TSPAN16: variants seen among roughly 807,000 people sequenced by gnomAD.
TSPAN16 encodes tetraspanin 16, also known as tetraspanin-16.
A neutral mutation model predicts 25.2 loss-of-function variants in TSPAN16; 23 were observed. The observed-to-expected ratio is 0.91, with a 90% CI of 0.66 to 1.29. The LOEUF is 1.29. Ranked by LOEUF, TSPAN16 falls within the 50% of genes most tolerant of loss-of-function variation. The pLI is 0.00. For synonymous variants in TSPAN16, 123 were observed against 124.4 expected (o/e 0.99, Z 0.08); for missense variants, 272 against 299.9 (o/e 0.91, Z 0.69).
In TSPAN16 at chr19:11,298,297, G is replaced by C. The variant is rs888614106; in HGVS notation, c.225G>C (p.Gly75=). ...GCITVLLGCA[G]WYGATKESRG... ...TCACGGTACTGCTTGGCTGTGCCGG[G>C]TGGTATGGAGCGACTAAAGAGAGCA... Residue 75 remains glycine (G), a synonymous_variant, in exon 2 of 7, where the codon GGG becomes GGC. Coordinates refer to ENST00000590327, the MANE Select transcript of TSPAN16 (RefSeq NM_001282509.2). The C allele has an allele frequency of 1.9e-6, 3 of 1,614,034 alleles. No individual in the cohort carries two copies. The highest frequency in any genetic ancestry group is 2.2e-5 in the East Asian group (1 of 44,888).
At chr19:11,325,666 C>A in intron 6 of TSPAN16, 1 of 1,366,628 alleles carries the variant, frequency 7.3e-7, no homozygotes, top group South Asian at 1.3e-5. Flanking sequence ...AACCTGGCTT[C>A]TAAGCCTAGT....
At chr19:11,315,256 TAATAATA>T (rs1211416119) in intron 6 of TSPAN16, among the ~76,000 whole-genome samples, 4,292 of 128,836 alleles carry the variant, frequency 0.033, 218 homozygotes, top group African/African-American at 0.12. Context: ...ATAATAATAA[TAATAATA>T]ATAATAATAA....
Position 11,301,208 on chromosome 19 carries a change from A to T in TSPAN16, c.350A>T (p.Asp117Val). 2 of 1,613,804 alleles carry T rather than the reference A, an allele frequency of 1.2e-6. No homozygotes were observed. The highest frequency in any genetic ancestry group is 2.2e-5 in the East Asian group (1 of 44,870). Residue 117 changes from aspartate (D) to valine (V), a missense_variant, in exon 4 of 7, where the codon GAT (aspartate) becomes GTT (valine). Physicochemically the swap from Asp to Val is radical, Grantham distance 152. Transcript: ENST00000590327. ...VVLLFFPIVG[D>V]VALEHTFVTL... ...TCCTGTCCTCTCTGTGAGGTTGGAGATGTGGCCTTGGAACACACCTTCGTG... is the reference window on the plus strand; with the variant it reads ...TCCTGTCCTCTCTGTGAGGTTGGAGTTGTGGCCTTGGAACACACCTTCGTG...
chr19:11,325,343 G>C (rs904427619), intron 6 of TSPAN16: 1 of 1,235,882 alleles, frequency 8.1e-7, no homozygotes, highest in Admixed American at 2.2e-5. Flanking sequence ...CTCACGCCTC[G>C]ATCACAGTCC....
chr19:11,315,756 C>G (rs2080743197), intron 6 of TSPAN16, 35 bp from the exon 7 acceptor site: 1 of 1,228,850 alleles, frequency 8.1e-7, no homozygotes, highest in African/African-American at 1.6e-5. Context: ...AGGTCTCTAG[C>G]ATTGGATCCA....
intron 6 of TSPAN16, chr19:11,323,115 A>C (rs1345350052): frequency 6.6e-6 from 1 of 151,842 alleles, no homozygotes; most frequent in South Asian, 2.1e-4. Context: ...TGTCTTAAAA[A>C]AAAAAAAAAC....
chr19:11,326,855 C>A, exon 7 of TSPAN16: 1 of 635,456 alleles, frequency 1.6e-6, no homozygotes, highest in South Asian at 1.7e-5. Flanking sequence ...AGCGATCCCC[C>A]CGCCTAGGCC....
chr19:11,312,904 G>A (rs1436547299), intron 6 of TSPAN16, among the ~76,000 whole-genome samples: 1 of 152,114 alleles, frequency 6.6e-6, no homozygotes, highest in East Asian at 1.9e-4. Flanking sequence ...GGAAAAGTGT[G>A]AACCTGTATG....
At chr19:11,319,287 AC>A (rs1335241129), downstream of TSPAN16, among the ~76,000 whole-genome samples, 7 of 151,996 alleles carry the variant, frequency 4.6e-5, no homozygotes, top group Admixed American at 3.9e-4. Context: ...TTTACTTACT[AC>A]TCCTGATTTA....
intron 4 of TSPAN16, among the ~76,000 whole-genome samples, chr19:11,302,676 T>C (rs1459866228): frequency 0.038 from 4,934 of 128,168 alleles, 262 homozygotes; most frequent in African/African-American, 0.16. Context: ...TATATATATA[T>C]ATACACACAC....
intron 6 of TSPAN16, chr19:11,322,407 A>G (rs2080785241): frequency 6.6e-6 from 1 of 152,096 alleles, no homozygotes; most frequent in South Asian, 2.1e-4. Flanking sequence ...TTTCCCATCA[A>G]AACTGCCCAT....
intron 3 of TSPAN16, 176 bp from the exon 4 acceptor site, chr19:11,301,022 TGGG>T (rs2080540533): frequency 1.8e-6 from 1 of 570,670 alleles, no homozygotes; most frequent in African/African-American, 1.9e-5. Context: ...TCTCTTGTGG[TGGG>T]GGCACAGTAG....
downstream of TSPAN16, among the ~76,000 whole-genome samples, chr19:11,320,618 A>G (rs757972084): frequency 1.1e-4 from 17 of 151,572 alleles, no homozygotes; most frequent in Non-Finnish European, 2.5e-4. Context: ...GGCTGCAGTG[A>G]GCCATGATTG....
chr19:11,320,694 AAAAG>A (rs2080773533), downstream of TSPAN16, among the ~76,000 whole-genome samples: 1 of 151,844 alleles, frequency 6.6e-6, no homozygotes, highest in Non-Finnish European at 1.5e-5. Context: ...AAAAGAAAAG[AAAAG>A]AAAAAGAAAA....
intron 4 of TSPAN16, among the ~76,000 whole-genome samples, chr19:11,305,136 T>C (rs996511450): frequency 6.6e-6 from 1 of 152,160 alleles, no homozygotes; most frequent in African/African-American, 2.4e-5. Context: ...TGGTACAGAA[T>C]GTCTCTCTTT....
intron 5 of TSPAN16, among the ~76,000 whole-genome samples, chr19:11,311,433 C>T (rs2080691394): frequency 6.6e-6 from 1 of 151,986 alleles, no homozygotes; most frequent in South Asian, 2.1e-4. Flanking sequence ...CACGCCCAGC[C>T]TATTTATTTA....
Position 11,298,304 on chromosome 19 carries a change from G to A in TSPAN16, c.232G>A (p.Gly78Arg). Residue 78 changes from glycine (G) to arginine (R), a missense_variant, in exon 2 of 7, where the codon GGA (glycine) becomes AGA (arginine). Transcript: ENST00000590327. ...ACTGCTTGGCTGTGCCGGGTGGTAT[G>A]GAGCGACTAAAGAGAGCAGAGGCAC... ...TVLLGCAGWYGATKESRGTLL... is the reference protein window; with the variant it reads ...TVLLGCAGWYRATKESRGTLL... 3 of 1,614,118 alleles carry A rather than the reference G, an allele frequency of 1.9e-6. No homozygotes were observed. Among genetic ancestry groups the A allele is most frequent in the Non-Finnish European group, 8.5e-7 (1 of 1,180,030 alleles).
chr19:11,298,504 G>T (rs2080505633), intron 2 of TSPAN16, among the ~76,000 whole-genome samples, 165 bp downstream of exon 2: 1 of 151,268 alleles, frequency 6.6e-6, no homozygotes, highest in African/African-American at 2.4e-5. Context: ...GCACAATCTT[G>T]GTTCACTGCA....
downstream of TSPAN16, chr19:11,316,038 A>C (rs2147958412): frequency 3.1e-6 from 3 of 953,366 alleles, no homozygotes; most frequent in South Asian, 1.1e-4. Context: ...CCTGAATGAG[A>C]GACTATGCCC....
Sources: allele counts gnomAD v4.1 joint callset (sites outside exome capture counted in the v4.1 genomes callset), GRCh38; gene constraint gnomAD v4.1.1; transcripts MANE v1.5; gene names NCBI Gene and HGNC (gene_info 2026-07-23, HGNC 2026-07-21).